Variants in WWC2 observed in about 807,000 individuals in gnomAD.
WWC2 encodes protein WWC2.
WWC2 carries 101 observed loss-of-function variants against 138.5 expected under a neutral mutation model. That is an observed-to-expected ratio of 0.73 (90% CI 0.62 to 0.86). The LOEUF (loss-of-function observed/expected upper bound fraction) is 0.86. Among genes scored for constraint, WWC2 ranks in the 40% least tolerant of loss-of-function variants. WWC2 has a pLI of 0.00. For missense variants in WWC2, 1,420 were observed against 1,419.4 expected (o/e 1.00, Z -0.01); for synonymous variants, 558 against 538.4 (o/e 1.04, Z -0.50).
At chr4:183,105,456 GC>G (rs1431521363) in intron 1 of WWC2, among the ~76,000 whole-genome samples, 1 of 152,198 alleles carries the variant, frequency 6.6e-6, no homozygotes, top group African/African-American at 2.4e-5. Flanking sequence ...GCTTCTTCTT[GC>G]CGATGCAGGA....
At chr4:183,284,188 T>C (rs531052414) in intron 18 of WWC2, 38 bp from the exon 19 acceptor site, 2 of 1,604,826 alleles carry the variant, frequency 1.2e-6, no homozygotes, top group Non-Finnish European at 1.7e-6. Flanking sequence ...TGTTTACACA[T>C]CTTTCAGCTC....
In WWC2 at chr4:183,269,079, C is replaced by T. The variant is rs778380514; in HGVS notation, c.2316C>T (p.Val772=). The T allele has an allele frequency of 2.0e-5, 32 of 1,613,806 alleles. No individual in the cohort carries two copies. Among genetic ancestry groups the T allele is most frequent in the South Asian group, 2.0e-4 (18 of 91,078 alleles). ...ESILFNDVFR[V]AISQTALQQK... ...TTTTATTCAATGATGTGTTCAGAGT[C>T]GCCATTTCCCAAACAGCCTTACAAC... The change falls in exon 15 of 23, where the codon GTC becomes GTT. Residue 772 remains valine, a synonymous_variant. Coordinates refer to ENST00000403733, the MANE Select transcript of WWC2 (RefSeq NM_024949.6).
At chr4:183,304,705 G>A (rs938849633) in intron 21 of WWC2, among the ~76,000 whole-genome samples, 2 of 152,096 alleles carry the variant, frequency 1.3e-5, no homozygotes, top group African/African-American at 2.4e-5. Context: ...TGTGAAACTC[G>A]TAGCCCAGGA....
At chr4:183,309,735 A>C (rs1579077607) in intron 21 of WWC2, among the ~76,000 whole-genome samples, 1 of 152,224 alleles carries the variant, frequency 6.6e-6, no homozygotes. Flanking sequence ...ATGAGTTGAA[A>C]ATTTACGTAC....
intron 1 of WWC2, among the ~76,000 whole-genome samples, chr4:183,145,254 T>C (rs1432958147): frequency 3.3e-5 from 5 of 152,238 alleles, no homozygotes; most frequent in Non-Finnish European, 5.9e-5. Flanking sequence ...AACAACTGCC[T>C]CATAGTAAGT....
intron 2 of WWC2, among the ~76,000 whole-genome samples, chr4:183,200,909 T>C (rs1231969944): frequency 6.6e-6 from 1 of 152,188 alleles, no homozygotes; most frequent in Non-Finnish European, 1.5e-5. Context: ...TAGCGCATAC[T>C]CAAGAGGCAT....
chr4:183,270,414 T>A (rs1737661529), intron 15 of WWC2, among the ~76,000 whole-genome samples: 1 of 152,188 alleles, frequency 6.6e-6, no homozygotes, highest in Non-Finnish European at 1.5e-5. Flanking sequence ...TTTTTATTTT[T>A]TTTTCAGTGG....
rs374487649 is a variant in WWC2 at position 183,156,097 on chromosome 4, G to A, written c.132-37502G>A. ...ATTGGAGTACAGTGGCGTGATCTCG[G>A]CCCATTGCAACCTCCACATCCCAGG... On this transcript the variant is annotated intron_variant, in intron 1 of 22. Coordinates refer to ENST00000403733, the MANE Select transcript of WWC2 (RefSeq NM_024949.6). Among the ~76,000 whole-genome samples, 69 of 151,910 alleles carry A rather than the reference G, an allele frequency of 4.5e-4. 1 individual carries two copies. The East Asian group carries it at 0.01, about 22-fold the overall frequency.
At chr4:183,123,286 A>G (rs941798372) in intron 1 of WWC2, among the ~76,000 whole-genome samples, 1 of 152,174 alleles carries the variant, frequency 6.6e-6, no homozygotes, top group African/African-American at 2.4e-5. Context: ...AACAATTTTT[A>G]TGGTTTAATT....
intron 1 of WWC2, among the ~76,000 whole-genome samples, chr4:183,100,585 T>G (rs1743146632): frequency 6.6e-6 from 1 of 151,916 alleles, no homozygotes; most frequent in East Asian, 1.9e-4. Context: ...CTGAAAATTA[T>G]AACTTTATTG....
intron 1 of WWC2, among the ~76,000 whole-genome samples, chr4:183,127,950 T>C (rs1376521427): frequency 6.6e-6 from 1 of 151,150 alleles, no homozygotes; most frequent in East Asian, 1.9e-4. Flanking sequence ...AATAAAGAAA[T>C]GTACATTATA....
chr4:183,279,595 C>G (rs1042683082), intron 16 of WWC2, among the ~76,000 whole-genome samples: 1 of 152,122 alleles, frequency 6.6e-6, no homozygotes, highest in Non-Finnish European at 1.5e-5. Flanking sequence ...GGCTGTGAAT[C>G]CATCTGGTCC....
chr4:183,258,676 G>A (rs1229858555), intron 9 of WWC2, among the ~76,000 whole-genome samples: 3 of 152,126 alleles, frequency 2.0e-5, no homozygotes, highest in Non-Finnish European at 2.9e-5. Flanking sequence ...GGAGACACAG[G>A]GGAATTATAG....
intron 1 of WWC2, among the ~76,000 whole-genome samples, chr4:183,174,529 G>A (rs1273763247): frequency 6.6e-6 from 1 of 152,056 alleles, no homozygotes; most frequent in Non-Finnish European, 1.5e-5. Context: ...GTCCTTTTGT[G>A]TTTATGCCTT....
intron 1 of WWC2, among the ~76,000 whole-genome samples, chr4:183,117,719 C>G (rs938000407): frequency 2.0e-5 from 3 of 151,646 alleles, no homozygotes; most frequent in African/African-American, 7.3e-5. Flanking sequence ...ATCCTCCTGC[C>G]TCAGCCTCCC....
At chr4:183,207,685 G>T (rs1260759845) in intron 2 of WWC2, among the ~76,000 whole-genome samples, 1 of 152,156 alleles carries the variant, frequency 6.6e-6, no homozygotes, top group Non-Finnish European at 1.5e-5. Context: ...AGGCACTGGG[G>T]AGCCACAGAA....
In WWC2 at chr4:183,317,636, T is replaced by G. The variant is rs1739485441; in HGVS notation, c.*1907T>G. ...TATGTGTAGTTGTTCCGTACGATTT[T>G]ATTTTCTTCATTTATTTATTTACAG... On this transcript the variant is annotated 3_prime_UTR_variant, in exon 23 of 23. Coordinates refer to ENST00000403733, the MANE Select transcript of WWC2 (RefSeq NM_024949.6). The G allele has an allele frequency of 1.3e-5, 2 of 152,698 alleles. No homozygotes were observed. Among genetic ancestry groups the G allele is most frequent in the East Asian group, 3.8e-4 (2 of 5,206 alleles). 9.5% of individuals were successfully genotyped at this position (152,698 alleles called of 1,614,324 possible).
intron 11 of WWC2, among the ~76,000 whole-genome samples, chr4:183,264,204 T>C (rs1737421589): frequency 6.6e-6 from 1 of 152,122 alleles, no homozygotes; most frequent in Non-Finnish European, 1.5e-5. Context: ...TTAAACATCT[T>C]CACAAGATGT....
intron 1 of WWC2, 74 bp downstream of exon 1, chr4:183,099,696 G>A: frequency 8.6e-7 from 1 of 1,162,306 alleles, no homozygotes; most frequent in Non-Finnish European, 1.1e-6. Context: ...GCCGCGCGGG[G>A]GGCTGGGGCG....
Sources: allele counts gnomAD v4.1 joint callset (sites outside exome capture counted in the v4.1 genomes callset), GRCh38; gene constraint gnomAD v4.1.1; transcripts MANE v1.5; gene names NCBI Gene and HGNC (gene_info 2026-07-23, HGNC 2026-07-21).